The following AFAP1L2 variants were observed in gnomAD, a reference collection of about 807,000 sequenced individuals.
The protein encoded by AFAP1L2 is actin filament associated protein 1 like 2, also known as actin filament-associated protein 1-like 2.
AFAP1L2 carries 46 observed loss-of-function variants against 99.3 expected under a neutral mutation model. The ratio of observed to expected loss-of-function variants is 0.46; its 90% CI spans 0.37 to 0.59. The LOEUF is 0.59. Among genes scored for constraint, AFAP1L2 ranks in the 20% least tolerant of loss-of-function variants. AFAP1L2 has a pLI of 0.00. For missense variants in AFAP1L2, 959 were observed against 1,034.9 expected, an observed-to-expected ratio of 0.93 and a Z score of 1.01; for synonymous variants, 397 against 419.1, an observed-to-expected ratio of 0.95 and a Z score of 0.64.
rs552308339 is a variant in AFAP1L2 at position 114,307,713 on chromosome 10, A to G, written c.1072+92T>C. ...CCTAGAGATGTTTACGGAAGACCTA[A>G]AACCCCCTGCCTTCGCTGTCTGAGC... On this transcript the variant is annotated intron_variant, in intron 10 of 18. Coordinates refer to ENST00000304129, the MANE Select transcript of AFAP1L2 (RefSeq NM_001001936.3). 3 of 1,088,070 alleles carry G rather than the reference A, an allele frequency of 2.8e-6. No homozygotes were observed. In the East Asian group the frequency reaches 7.3e-5, roughly 26 times the overall value. 67.4% of individuals were successfully genotyped at this position (1,088,070 alleles called of 1,614,324 possible). A position where few individuals can be genotyped will look rare whatever the true frequency, so the allele number is the denominator to read the frequency against.
chr10:114,302,145 C>A, intron 12 of AFAP1L2, 194 bp downstream of exon 12: 1 of 819,010 alleles, frequency 1.2e-6, no homozygotes, highest in Non-Finnish European at 1.9e-6. Flanking sequence ...TGGCTCGGCT[C>A]CTTGCTCTTA....
In AFAP1L2 at chr10:114,300,627, C is replaced by G. The variant is rs2040983564; in HGVS notation, c.1606G>C (p.Val536Leu). The G allele has an allele frequency of 2.5e-6, 4 of 1,613,456 alleles. No individual in the cohort carries two copies. Among genetic ancestry groups the G allele is most frequent in the South Asian group, 2.2e-5 (2 of 91,010 alleles). The change falls in exon 14 of 19, where the codon GTG becomes CTG. Residue 536 changes from valine (V) to leucine (L), a missense_variant. Coordinates refer to ENST00000304129, the MANE Select transcript of AFAP1L2 (RefSeq NM_001001936.3). ...DDPNERESDR[V>L]YLDLTPVKSF... Reference sequence around the variant, plus strand: ...TTGACAGGTGTGAGGTCCAGGTACACTCGGTCAGATTCTCTCTCATTTGGG... The same window carrying G: ...TTGACAGGTGTGAGGTCCAGGTACAGTCGGTCAGATTCTCTCTCATTTGGG...
At chr10:114,303,853 T>C (rs1313376365) in intron 11 of AFAP1L2, among the ~76,000 whole-genome samples, 1 of 152,212 alleles carries the variant, frequency 6.6e-6, no homozygotes, top group East Asian at 1.9e-4. Context: ...CGCTCCAGCC[T>C]GTCACCCAGA....
At chr10:114,306,297 G>C (rs1589997594) in intron 10 of AFAP1L2, among the ~76,000 whole-genome samples, 1 of 132,250 alleles carries the variant, frequency 7.6e-6, no homozygotes, top group Admixed American at 8.6e-5. Context: ...CGTCGGGGCT[G>C]CAGGAGGGGA....
intron 5 of AFAP1L2, among the ~76,000 whole-genome samples, chr10:114,321,827 G>A (rs1483253576): frequency 6.6e-6 from 1 of 152,164 alleles, no homozygotes; most frequent in African/African-American, 2.4e-5. Context: ...CATCAGCCAA[G>A]GACAGAGGGT....
the AFAP1L2 span, chr10:114,286,335 C>T: frequency 6.2e-6 from 10 of 1,612,884 alleles, no homozygotes; most frequent in Middle Eastern, 3.3e-4. Flanking sequence ...GCGGGCCCAG[C>T]GCGTCACGCA....
intron 1 of AFAP1L2, among the ~76,000 whole-genome samples, chr10:114,385,387 A>G (rs1345079466): frequency 1.3e-5 from 2 of 152,162 alleles, no homozygotes; most frequent in Non-Finnish European, 2.9e-5. Context: ...CAGCTGGAGG[A>G]CTTGACATCC....
In AFAP1L2 at chr10:114,297,428, A is replaced by T. The variant is rs548778596; in HGVS notation, c.2114-15T>A. 37 of 1,609,784 alleles carry T rather than the reference A, an allele frequency of 2.3e-5. 1 individual carries two copies. The South Asian group carries it at 3.8e-4, about 16-fold the overall frequency. On this transcript the variant is annotated splice_polypyrimidine_tract_variant and intron_variant, in intron 16 of 18. Coordinates refer to ENST00000304129, the MANE Select transcript of AFAP1L2 (RefSeq NM_001001936.3). Reference sequence around the variant, plus strand: ...GACTTCCTTGTCTGGAGAGAGAATTATGCAGGTGTCAGAGAACAGCATCTC... The same window carrying T: ...GACTTCCTTGTCTGGAGAGAGAATTTTGCAGGTGTCAGAGAACAGCATCTC...
chr10:114,329,368 A>G (rs891714895), intron 4 of AFAP1L2, among the ~76,000 whole-genome samples: 4 of 152,168 alleles, frequency 2.6e-5, no homozygotes, highest in Non-Finnish European at 5.9e-5. Flanking sequence ...TGGGCCCCTC[A>G]GTCCATGCTG....
In AFAP1L2 at chr10:114,295,929, CTT is replaced by C; in HGVS notation, c.*111_*112del. 1 of 1,598,070 alleles carries C rather than the reference CTT, an allele frequency of 6.3e-7. No individual in the cohort carries two copies. Among genetic ancestry groups the C allele is most frequent in the Non-Finnish European group, 8.5e-7 (1 of 1,170,820 alleles). ...AGCTCTCCATTCACAGTACCTCAGT[CTT>C]TGCTTTTTCTTCTAAACAGACTCAC... On this transcript the variant is annotated 3_prime_UTR_variant, in exon 19 of 19. Transcript: ENST00000304129.
intron 7 of AFAP1L2, among the ~76,000 whole-genome samples, chr10:114,312,431 C>T (rs73365354): frequency 0.012 from 1,817 of 152,216 alleles, 33 homozygotes; most frequent in African/African-American, 0.041. Context: ...GTGGGTGAGG[C>T]AGGAGACTGG....
At chr10:114,323,332 CG>C (rs2045691701) in intron 4 of AFAP1L2, 71 bp from the exon 5 acceptor site, 2 of 1,382,660 alleles carry the variant, frequency 1.4e-6, no homozygotes, top group Non-Finnish European at 2.0e-6. Context: ...AATAACTCTT[CG>C]GGTGGAAGTC....
chr10:114,368,266 T>C (rs1419205251), intron 1 of AFAP1L2, among the ~76,000 whole-genome samples: 1 of 151,468 alleles, frequency 6.6e-6, no homozygotes, highest in African/African-American at 2.4e-5. Context: ...AAGCAGAGAG[T>C]AGAATGATGG....
At chr10:114,353,522 G>T (rs2050856331) in intron 1 of AFAP1L2, among the ~76,000 whole-genome samples, 1 of 152,296 alleles carries the variant, frequency 6.6e-6, no homozygotes, top group South Asian at 2.1e-4. Context: ...ACCATCCCCA[G>T]ATTTGAAGCC....
chr10:114,384,912 C>G (rs1352456640), intron 1 of AFAP1L2, among the ~76,000 whole-genome samples: 1 of 152,220 alleles, frequency 6.6e-6, no homozygotes, highest in Non-Finnish European at 1.5e-5. Context: ...TGATCAGGAA[C>G]AAAGCAGATG....
At chr10:114,316,847 C>T (rs2044223957) in intron 5 of AFAP1L2, among the ~76,000 whole-genome samples, 1 of 152,200 alleles carries the variant, frequency 6.6e-6, no homozygotes, top group African/African-American at 2.4e-5. Flanking sequence ...GCACAGGAAT[C>T]CTGTCTATCA....
intron 4 of AFAP1L2, among the ~76,000 whole-genome samples, chr10:114,326,952 C>T (rs1411627854): frequency 6.6e-6 from 1 of 150,450 alleles, no homozygotes; most frequent in Non-Finnish European, 1.5e-5. Flanking sequence ...GGGGTGGGTA[C>T]AGAGGAGACC....
chr10:114,341,619 A>AAAAAAG (rs1554918683), intron 1 of AFAP1L2, among the ~76,000 whole-genome samples: 8 of 150,844 alleles, frequency 5.3e-5, no homozygotes, highest in East Asian at 3.9e-4. Flanking sequence ...CTCAAAAAAA[A>AAAAAAG]AAAAGAAAAG....
chr10:114,321,799 C>A lies in AFAP1L2; in HGVS notation c.406+1372G>T, dbSNP rs11196698. Among the ~76,000 whole-genome samples the A allele has an allele frequency of 1.4e-3, 206 of 152,324 alleles. 5 individuals carry two copies. In the East Asian group the frequency reaches 0.035, roughly 26 times the overall value. On this transcript the variant is annotated intron_variant, in intron 5 of 18. Coordinates refer to ENST00000304129, the MANE Select transcript of AFAP1L2 (RefSeq NM_001001936.3). ...CACACCAAGAGCACTTTTGATCCAA[C>A]TTCCTCAGGCTGAGAGCCATCAGCC...
Sources: allele counts gnomAD v4.1 joint callset (sites outside exome capture counted in the v4.1 genomes callset), GRCh38; gene constraint gnomAD v4.1.1; transcripts MANE v1.5; gene names NCBI Gene and HGNC (gene_info 2026-07-23, HGNC 2026-07-21).